ZNF226: variants seen among roughly 807,000 people sequenced by gnomAD.
The protein encoded by ZNF226 is zinc finger protein 226.
ZNF226 carries 6 observed loss-of-function variants against 11.4 expected under a neutral mutation model. The ratio of observed to expected loss-of-function variants is 0.53; its 90% confidence interval spans 0.29 to 1.04. The LOEUF (loss-of-function observed/expected upper bound fraction) is 1.04, where lower values mean the gene tolerates loss of function less well. Among genes scored for constraint, ZNF226 ranks in the 50% least tolerant of loss-of-function variants. The pLI is 0.08. For synonymous variants in ZNF226, 350 were observed against 322.8 expected (o/e 1.08, Z -0.90); for missense variants, 1,058 against 956.5 (o/e 1.11, Z -1.40).
chr19:44,178,557 AAG>A (rs1970855937), downstream of ZNF226, among the ~76,000 whole-genome samples: 1 of 152,208 alleles, frequency 6.6e-6, no homozygotes, highest in African/African-American at 2.4e-5. Context: ...TTCTGAGAAA[AAG>A]GACAAAATAT....
the ZNF226 span, among the ~76,000 whole-genome samples, chr19:44,185,442 A>G: frequency 2.6e-5 from 4 of 152,184 alleles, no homozygotes; most frequent in Admixed American, 2.6e-4. Context: ...AGTGACCACA[A>G]TAGTGGGTGT....
At chr19:44,192,245 G>A in the ZNF226 span, among the ~76,000 whole-genome samples, 1 of 152,270 alleles carries the variant, frequency 6.6e-6, no homozygotes, top group South Asian at 2.1e-4. Flanking sequence ...AACATTTTTA[G>A]TGTTAGGCCA....
chr19:44,177,674 A>G lies in ZNF226; in HGVS notation c.2412A>G (p.Ter804TrpextTer?), dbSNP rs1970830646. The G allele has an allele frequency of 2.5e-6, 4 of 1,571,128 alleles. No homozygotes were observed. The Admixed American group carries it at 7.5e-5, about 29-fold the overall frequency. ...CACAGGAAAAAAAATCTATAAAATG[A>G]TTCTTTGTGAAGACTCGTGTCATTT... Reference protein sequence around the residue: ...ESTQEKKSIK* With the variant: ...ESTQEKKSIKW Residue 804 changes from the stop codon to tryptophan, a stop_lost, in exon 6 of 6, where the codon TGA (stop) becomes TGG (tryptophan). Transcript: ENST00000337433.
chr19:44,173,462 A>T (rs771114239), intron 5 of ZNF226: 1 of 158,524 alleles, frequency 6.3e-6, no homozygotes, highest in Admixed American at 6.5e-5. Flanking sequence ...TTTTAGTATT[A>T]TAAGAAAGGC....
downstream of ZNF226, chr19:44,178,385 G>C (rs1320245530): frequency 6.6e-6 from 1 of 152,180 alleles, no homozygotes; most frequent in Admixed American, 6.5e-5. Flanking sequence ...TTAAGTGTCA[G>C]AGTTGCTAAT....
the ZNF226 span, among the ~76,000 whole-genome samples, chr19:44,186,961 G>A: frequency 6.6e-6 from 1 of 151,314 alleles, no homozygotes; most frequent in Non-Finnish European, 1.5e-5. Context: ...ATTATACCAG[G>A]TATAAATCTT....
At chr19:44,198,966 C>A in the ZNF226 span, among the ~76,000 whole-genome samples, 6 of 151,366 alleles carry the variant, frequency 4.0e-5, no homozygotes, top group South Asian at 1.3e-3. Flanking sequence ...CCACACCCAG[C>A]TAATCTTTGT....
the ZNF226 span, among the ~76,000 whole-genome samples, chr19:44,190,853 C>A: frequency 6.6e-6 from 1 of 152,172 alleles, no homozygotes; most frequent in African/African-American, 2.4e-5. Context: ...TAGCAAATCA[C>A]TTCCAAATTT....
At chr19:44,166,644 TAAC>T (rs1370171163) in intron 2 of ZNF226, 1 of 152,208 alleles carries the variant, frequency 6.6e-6, no homozygotes, top group Admixed American at 6.5e-5. Flanking sequence ...GGTATAAAGA[TAAC>T]AACTATAGTT....
chr19:44,176,255 A>C lies in ZNF226; in HGVS notation c.993A>C (p.Ile331=). 6.2e-7 allele frequency: 1 copy of C among 1,614,190 alleles called. No individual in the cohort carries two copies. Among genetic ancestry groups the C allele is most frequent in the Non-Finnish European group, 8.5e-7 (1 of 1,180,020 alleles). ...HLQTHQKVHV[I]EKPYKCKQCG... ...AGACCCATCAGAAAGTCCACGTGAT[A>C]GAGAAACCATACAAATGTAAGCAAT... The change falls in exon 6 of 6, where the codon ATA becomes ATC. Residue 331 remains isoleucine, a synonymous_variant. Transcript: ENST00000337433.
chr19:44,169,750 C>G (rs1969864413), intron 2 of ZNF226: 1 of 242,450 alleles, frequency 4.1e-6, no homozygotes. Flanking sequence ...AATTCCAGGC[C>G]TACTGTACTT....
chr19:44,168,247 GTT>G (rs71171212), intron 2 of ZNF226, among the ~76,000 whole-genome samples: 6 of 146,870 alleles, frequency 4.1e-5, no homozygotes, highest in African/African-American at 5.0e-5. Context: ...TTTTTGTTTT[GTT>G]TTTTTTTTTG....
chr19:44,177,486 C>G lies in ZNF226; in HGVS notation c.2224C>G (p.Leu742Val). 6.2e-7 allele frequency: 1 copy of G among 1,614,176 alleles called. No individual in the cohort carries two copies. ...TAAAGTCTTCAGTCGGTCTTCACAA[C>G]TACAGTCTCATCAGCGAGTTCACAC... ...CGKVFSRSSQ[L>V]QSHQRVHTGE... Residue 742 changes from leucine to valine, a missense_variant, in exon 6 of 6, where the codon CTA becomes GTA. By Grantham distance (32) the Leu-to-Val change is conservative (BLOSUM62 1). Coordinates refer to ENST00000337433, the MANE Select transcript of ZNF226 (RefSeq NM_001032373.2).
intron 4 of ZNF226, chr19:44,172,649 A>G (rs866167956): frequency 1.3e-5 from 7 of 543,880 alleles, no homozygotes; most frequent in Non-Finnish European, 2.3e-5. Flanking sequence ...AGTTAAAAAT[A>G]GGTTATTCAA....
downstream of ZNF226, among the ~76,000 whole-genome samples, chr19:44,179,392 TTAC>T (rs1970873231): frequency 6.6e-6 from 1 of 152,142 alleles, no homozygotes; most frequent in Non-Finnish European, 1.5e-5. Flanking sequence ...ATTTAAAAAA[TTAC>T]TAGAATATAT....
rs921536081 is a variant in ZNF226, at chr19:44,169,873, G to C, written c.-46-162G>C. ...GCCTGGTTCTGAACTACTGCTGAAA[G>C]GGGTAGTTGGATATCTGGGATCCAT... On this transcript the variant is annotated intron_variant, in intron 2 of 5. Transcript: ENST00000337433. Among the ~76,000 whole-genome samples the C allele has an allele frequency of 1.2e-4, 19 of 152,326 alleles. 1 individual carries two copies. In the South Asian group the frequency reaches 2.3e-3, roughly 18 times the overall value.
chr19:44,176,916 G>T lies in ZNF226; in HGVS notation c.1654G>T (p.Ala552Ser), dbSNP rs968032171. The stretch of plus-strand genomic sequence containing the variant: ...TTCGTATCTTCAAATCCATCAGAAG[G>T]CCCACAGTATAGAGAAACCTTTTAA... ...QSSYLQIHQK[A>S]HSIEKPFKCE... Residue 552 changes from alanine (A) to serine (S), a missense_variant, in exon 6 of 6, where the codon GCC (alanine) becomes TCC (serine). Transcript: ENST00000337433. 1 of 1,614,016 alleles carries T rather than the reference G, an allele frequency of 6.2e-7. No individual in the cohort carries two copies. The highest frequency in any genetic ancestry group is 8.5e-7 in the Non-Finnish European group (1 of 1,179,976).
Position 44,175,749 on chromosome 19 carries a change from G to A in ZNF226, c.487G>A (p.Glu163Lys). 1 of 1,613,138 alleles carries A rather than the reference G, an allele frequency of 6.2e-7. No individual in the cohort carries two copies. The highest frequency in any genetic ancestry group is 8.5e-7 in the Non-Finnish European group (1 of 1,179,566). Reference protein sequence around the residue: ...ADGPNNTGNPEFPILRTQDSW... With the variant: ...ADGPNNTGNPKFPILRTQDSW... ...TGGTCCCAATAATACTGGGAATCCAGAGTTTCCTATCTTGAGAACCCAGGA... is the reference window on the plus strand; with the variant it reads ...TGGTCCCAATAATACTGGGAATCCAAAGTTTCCTATCTTGAGAACCCAGGA... The change falls in exon 6 of 6, where the codon GAG (glutamate) becomes AAG (lysine). Residue 163 changes from glutamate (E) to lysine (K), a missense_variant. Coordinates refer to ENST00000337433, the MANE Select transcript of ZNF226 (RefSeq NM_001032373.2).
chr19:44,190,454 C>T, the ZNF226 span, among the ~76,000 whole-genome samples: 1 of 152,092 alleles, frequency 6.6e-6, no homozygotes, highest in African/African-American at 2.4e-5. Flanking sequence ...CTACCTCAGC[C>T]TCCCGAGTAG....
Sources: gnomAD v4.1 joint callset for allele counts (sites outside exome capture counted in the v4.1 genomes callset) on GRCh38, gnomAD v4.1.1 for gene constraint, MANE v1.5 for transcripts, NCBI Gene and HGNC (gene_info 2026-07-23, HGNC 2026-07-21) for gene names.